The following NCLN variants were observed in gnomAD, a reference collection of about 807,000 sequenced individuals.
The protein encoded by NCLN is BOS complex subunit NCLN.
NCLN carries 34 observed loss-of-function variants against 69.5 expected under a neutral mutation model. The observed-to-expected ratio is 0.49, with a 90% CI of 0.37 to 0.65. NCLN has a LOEUF of 0.65. Ranked by LOEUF, NCLN falls within the 30% of genes least tolerant of loss-of-function variation. NCLN has a pLI of 0.00. For missense variants in NCLN, 710 were observed against 804.8 expected (o/e 0.88, Z 1.42); for synonymous variants, 393 against 358.3 (o/e 1.10, Z -1.09).
chr19:3,203,530 A>C (rs549955691), intron 6 of NCLN, among the ~76,000 whole-genome samples: 2 of 152,156 alleles, frequency 1.3e-5, no homozygotes, highest in South Asian at 4.1e-4. Flanking sequence ...GAGGCCAGGG[A>C]TGCCACTCAG....
At chr19:3,191,938 C>T (rs1915836797) in intron 1 of NCLN, among the ~76,000 whole-genome samples, 1 of 152,122 alleles carries the variant, frequency 6.6e-6, no homozygotes, top group Non-Finnish European at 1.5e-5. Flanking sequence ...CCTGAAATCC[C>T]TGAACTTTGG....
intron 1 of NCLN, among the ~76,000 whole-genome samples, chr19:3,188,250 C>T (rs1291535962): frequency 1.3e-5 from 2 of 151,714 alleles, no homozygotes; most frequent in South Asian, 2.1e-4. Flanking sequence ...CAGGTGTGGG[C>T]CCCCTTTCTC....
At chr19:3,188,455 G>A (rs1915727059) in intron 1 of NCLN, among the ~76,000 whole-genome samples, 1 of 152,136 alleles carries the variant, frequency 6.6e-6, no homozygotes, top group South Asian at 2.1e-4. Flanking sequence ...GTTTCCTTGT[G>A]TGGCCTCTTG....
At chr19:3,206,588 T>C (rs942943246) in intron 12 of NCLN, among the ~76,000 whole-genome samples, 163 bp downstream of exon 12, 7 of 152,288 alleles carry the variant, frequency 4.6e-5, no homozygotes, top group African/African-American at 1.7e-4. Flanking sequence ...GCAATCCCAG[T>C]ACTTTGGGAA....
At chr19:3,206,098 C>G in intron 10 of NCLN, 54 bp from the exon 11 acceptor site, 1 of 1,567,940 alleles carries the variant, frequency 6.4e-7, no homozygotes, top group African/African-American at 1.4e-5. Context: ...CACCCCTGGC[C>G]CCAGCCCCAC....
intron 1 of NCLN, among the ~76,000 whole-genome samples, chr19:3,186,986 C>T (rs141523204): frequency 2.0e-5 from 3 of 152,258 alleles, no homozygotes; most frequent in African/African-American, 7.2e-5. Context: ...GCCCAGCTTC[C>T]CTGGTCTCCT....
intron 9 of NCLN, 98 bp downstream of exon 9, chr19:3,204,849 G>GC: frequency 4.0e-6 from 5 of 1,241,778 alleles, no homozygotes; most frequent in Non-Finnish European, 4.2e-6. Context: ...GGAGGGAGCG[G>GC]CCCCCACACA....
Position 3,204,121 on chromosome 19 carries a change from G to C in NCLN, c.1006G>C (p.Ala336Pro). The change falls in exon 8 of 15, where the codon GCC becomes CCC. Residue 336 changes from alanine (A) to proline (P), a missense_variant. Physicochemically the swap from Ala to Pro is conservative, Grantham distance 27 (BLOSUM62 -1). Coordinates refer to ENST00000246117, the MANE Select transcript of NCLN (RefSeq NM_020170.4). ...GCCTCGGGAGGGCACCCTGCAGCAC[G>C]CCTTCCTGCGGGAGCTGGAGACGGT... The part of the protein sequence containing the change: ...KPPREGTLQH[A>P]FLRELETVAA... The C allele has an allele frequency of 6.6e-7, 1 of 1,517,054 alleles. No homozygotes were observed. The highest frequency in any genetic ancestry group is 8.8e-7 in the Non-Finnish European group (1 of 1,133,962). 94.0% of individuals were successfully genotyped at this position (1,517,054 alleles called of 1,614,324 possible).
chr19:3,198,713 G>C, intron 4 of NCLN, 104 bp from the exon 5 acceptor site: 1 of 842,824 alleles, frequency 1.2e-6, no homozygotes, highest in Non-Finnish European at 1.8e-6. Flanking sequence ...CTGGCACCCA[G>C]CGGACGGGCC....
intron 3 of NCLN, among the ~76,000 whole-genome samples, chr19:3,193,975 A>G (rs1915896062): frequency 6.6e-6 from 1 of 152,158 alleles, no homozygotes; most frequent in South Asian, 2.1e-4. Flanking sequence ...AGAAAGAGGA[A>G]CTGGAGAAGC....
chr19:3,196,932 C>A (rs1915975168), intron 4 of NCLN, among the ~76,000 whole-genome samples: 1 of 152,242 alleles, frequency 6.6e-6, no homozygotes, highest in African/African-American at 2.4e-5. Flanking sequence ...GTCGGGGGAG[C>A]CCTGAACAAG....
At chr19:3,188,072 G>A (rs939906087) in intron 1 of NCLN, among the ~76,000 whole-genome samples, 7 of 152,024 alleles carry the variant, frequency 4.6e-5, no homozygotes, top group African/African-American at 1.2e-4. Context: ...CTCTCATAGC[G>A]GCTTCCGTGG....
intron 6 of NCLN, among the ~76,000 whole-genome samples, chr19:3,202,869 C>T (rs527554018): frequency 6.6e-6 from 1 of 152,056 alleles, no homozygotes; most frequent in East Asian, 1.9e-4. Context: ...CTGGGGGCTT[C>T]TTGGCAGCTG....
At chr19:3,197,100 T>C (rs564923397) in intron 4 of NCLN, among the ~76,000 whole-genome samples, 1 of 152,356 alleles carries the variant, frequency 6.6e-6, no homozygotes, top group African/African-American at 2.4e-5. Flanking sequence ...GCGGCTGTTC[T>C]GTTTGTTCCT....
At position 3,201,596 on chromosome 19, in the gene NCLN, G is replaced by A. The variant is rs753722695; in HGVS notation, c.770G>A (p.Arg257Gln). Residue 257 changes from arginine (R) to glutamine (Q), a missense_variant, in exon 6 of 15, where the codon CGG (arginine) becomes CAG (glutamine). Transcript: ENST00000246117. Reference protein sequence around the residue: ...VLLELARLFSRLYTYKRTHAA... With the variant: ...VLLELARLFSQLYTYKRTHAA... ...CTGGAGCTGGCACGCCTCTTCTCCC[G>A]GCTCTACACCTACAAGCGCACGCAC... 5.1e-6 allele frequency: 8 copies of A among 1,558,634 alleles called. No homozygotes were observed. Among genetic ancestry groups the A allele is most frequent in the Admixed American group, 3.7e-5 (2 of 54,466 alleles).
chr19:3,191,606 A>G (rs550581), intron 1 of NCLN, among the ~76,000 whole-genome samples: 102,439 of 152,206 alleles, frequency 0.67, 36,503 homozygotes, highest in East Asian at 0.93. Flanking sequence ...GGCTTCAGGG[A>G]AGGGCCGTCC....
intron 1 of NCLN, among the ~76,000 whole-genome samples, chr19:3,186,597 C>T (rs1484012145): frequency 6.6e-6 from 1 of 152,202 alleles, no homozygotes; most frequent in Admixed American, 6.5e-5. Flanking sequence ...CCTTAGGCTT[C>T]CTGGTCCGGG....
rs772328372 is a variant in NCLN, at chr19:3,204,675, C to T, written c.1132C>T (p.Arg378Cys). Residue 378 changes from arginine (R) to cysteine (C), a missense_variant, in exon 9 of 15, where the codon CGC (arginine) becomes TGC (cysteine). Physicochemically the swap from Arg to Cys is radical, Grantham distance 180 (BLOSUM62 -3). Coordinates refer to ENST00000246117, the MANE Select transcript of NCLN (RefSeq NM_020170.4). ...CTGGGAGCACGAGCGCTTCGCCATC[C>T]GCCGACTGCCCGCCTTCACGCTGTC... ...LAWEHERFAIRRLPAFTLSHL... is the reference protein window; with the variant it reads ...LAWEHERFAICRLPAFTLSHL... 9.3e-6 allele frequency: 15 copies of T among 1,608,798 alleles called. No homozygotes were observed. Among genetic ancestry groups the T allele is most frequent in the Admixed American group, 3.4e-5 (2 of 59,474 alleles).
At position 3,186,103 on chromosome 19, in the gene NCLN, T is replaced by G. The variant is rs1176293699; in HGVS notation, c.73T>G (p.Phe25Val). 1.9e-6 allele frequency: 3 copies of G among 1,599,786 alleles called. No individual in the cohort carries two copies. The highest frequency in any genetic ancestry group is 2.6e-6 in the Non-Finnish European group (3 of 1,174,980). ...ASCLPLGFIV[F>V]LPAVLLLVAP... ...TTGTCTGCCGCTCGGCTTCATCGTCTTCCTGCCCGCTGTGCTGCTGCTGGT... is the reference window on the plus strand; with the variant it reads ...TTGTCTGCCGCTCGGCTTCATCGTCGTCCTGCCCGCTGTGCTGCTGCTGGT... The change falls in exon 1 of 15, where the codon TTC becomes GTC. Residue 25 changes from phenylalanine to valine, a missense_variant. By Grantham distance (50) the Phe-to-Val change is conservative. Transcript: ENST00000246117.
Sources: gnomAD v4.1 joint callset for allele counts (sites outside exome capture counted in the v4.1 genomes callset) on GRCh38, gnomAD v4.1.1 for gene constraint, MANE v1.5 for transcripts, NCBI Gene and HGNC (gene_info 2026-07-23, HGNC 2026-07-21) for gene names.